Variants in SRPRB observed in about 807,000 individuals in gnomAD.
SRPRB encodes the protein signal recognition particle receptor subunit beta.
Under a neutral mutation model 31.9 loss-of-function variants are expected in SRPRB, and 20 were observed. That is an observed-to-expected ratio of 0.63 (90% CI 0.44 to 0.91). SRPRB has a LOEUF of 0.91. Among genes scored for constraint, SRPRB ranks in the 40% least tolerant of loss-of-function variants. The pLI is 0.00. For synonymous variants in SRPRB, 146 were observed against 132.8 expected (o/e 1.10, Z -0.68); for missense variants, 321 against 324.9 (o/e 0.99, Z 0.09).
At chr3:133,818,143 T>C (rs1935398606) in intron 6 of SRPRB, among the ~76,000 whole-genome samples, 1 of 152,182 alleles carries the variant, frequency 6.6e-6, no homozygotes, top group African/African-American at 2.4e-5. Flanking sequence ...AATAAGGACA[T>C]TGGAACAATT....
intron 1 of SRPRB, chr3:133,784,755 C>T (rs961563687): frequency 6.6e-6 from 1 of 152,208 alleles, no homozygotes; most frequent in African/African-American, 2.4e-5. Flanking sequence ...AAACCATTCC[C>T]TGGTGCCAAA....
intron 6 of SRPRB, among the ~76,000 whole-genome samples, chr3:133,818,956 A>G (rs1164763088): frequency 1.3e-5 from 2 of 152,162 alleles, no homozygotes; most frequent in African/African-American, 2.4e-5. Context: ...GCTTCTGGAT[A>G]GCAGAAAGGG....
upstream of SRPRB, chr3:133,805,704 C>A: frequency 9.5e-7 from 1 of 1,057,060 alleles, no homozygotes; most frequent in Non-Finnish European, 1.3e-6. Flanking sequence ...AACTACAACT[C>A]CCATCAAGCA....
intron 3 of SRPRB, 162 bp from the exon 4 acceptor site, chr3:133,810,955 C>A (rs889450337): frequency 6.7e-6 from 4 of 599,302 alleles, no homozygotes; most frequent in African/African-American, 5.7e-5. Flanking sequence ...GCCACTGTTA[C>A]ATCCCCAGAA....
rs779206658 is a variant in SRPRB, at chr3:133,821,025, G to C, written c.*1259G>C. 3 of 152,576 alleles carry C rather than the reference G, an allele frequency of 2.0e-5. No individual in the cohort carries two copies. The highest frequency in any genetic ancestry group is 6.5e-5 in the Admixed American group (1 of 15,286). The allele number at this position is 152,576 out of a possible 1,614,324, so 9.5% of individuals were successfully genotyped here. On this transcript the variant is annotated 3_prime_UTR_variant, in exon 7 of 7. Coordinates refer to ENST00000678299, the MANE Select transcript of SRPRB (RefSeq NM_001379313.1). Reference sequence around the variant, plus strand: ...GGCCCACAGTTCTCTGGAGCATGCAGCAGGGGCACCCCACCTGGCCTTGAG... The same window carrying C: ...GGCCCACAGTTCTCTGGAGCATGCACCAGGGGCACCCCACCTGGCCTTGAG...
chr3:133,811,300 A>G, intron 4 of SRPRB, 101 bp downstream of exon 4: 1 of 1,248,980 alleles, frequency 8.0e-7, no homozygotes, highest in Non-Finnish European at 1.1e-6. Context: ...GCAGCATGGT[A>G]TCCTGTGGTA....
intron 1 of SRPRB, chr3:133,795,094 T>C (rs1327522452): frequency 2.0e-5 from 3 of 152,058 alleles, no homozygotes; most frequent in South Asian, 2.1e-4. Context: ...AACAGAAGAG[T>C]ATCTGTGCAG....
At chr3:133,827,968 T>C (rs1481246946), downstream of SRPRB, 6 of 702,808 alleles carry the variant, frequency 8.5e-6, no homozygotes, top group Non-Finnish European at 1.6e-5. Context: ...ACCACGCAGC[T>C]GCAATTGCCA....
chr3:133,806,135 C>A, intron 1 of SRPRB, 133 bp downstream of exon 1: 1 of 1,174,800 alleles, frequency 8.5e-7, no homozygotes, highest in Non-Finnish European at 1.2e-6. Flanking sequence ...CCCACCCAGT[C>A]TACACCCCAC....
intron 3 of SRPRB, chr3:133,810,678 G>A (rs1215611943): frequency 2.6e-5 from 4 of 152,586 alleles, no homozygotes; most frequent in Admixed American, 6.5e-5. Context: ...ATGAAAAATT[G>A]TAAGTTCTTA....
chr3:133,812,181 A>C (rs1049514645), intron 4 of SRPRB, among the ~76,000 whole-genome samples: 4 of 152,226 alleles, frequency 2.6e-5, no homozygotes, highest in African/African-American at 7.2e-5. Flanking sequence ...AGCGGTCCCT[A>C]AAATAATGTC....
At chr3:133,795,346 C>T (rs7355929) in intron 1 of SRPRB, 51,311 of 151,928 alleles carry the variant, frequency 0.34, 8,813 homozygotes, top group Middle Eastern at 0.38. Flanking sequence ...ATTCTCTCAA[C>T]GGTTTTAAAT....
At position 133,816,858 on chromosome 3, in the gene SRPRB, G is replaced by C. The variant is rs776255186; in HGVS notation, c.548-20G>C. 4 of 1,598,100 alleles carry C rather than the reference G, an allele frequency of 2.5e-6. No individual in the cohort carries two copies. The South Asian group carries it at 4.6e-5, about 18-fold the overall frequency. ...ACTCATTCTCGTTTAAACTACAACAGTGTCTTTATTTCTTTACAGATATTG... is the reference window on the plus strand; with the variant it reads ...ACTCATTCTCGTTTAAACTACAACACTGTCTTTATTTCTTTACAGATATTG... On this transcript the variant is annotated intron_variant, in intron 5 of 6. Transcript: ENST00000678299.
At chr3:133,819,507 C>T (rs758984280) in intron 6 of SRPRB, 46 bp from the exon 7 acceptor site, 1 of 1,550,442 alleles carries the variant, frequency 6.4e-7, no homozygotes, top group South Asian at 1.1e-5. Context: ...GATTTAATTG[C>T]TGTATAAAAA....
At chr3:133,818,093 G>A (rs1033140859) in intron 6 of SRPRB, among the ~76,000 whole-genome samples, 1 of 152,150 alleles carries the variant, frequency 6.6e-6, no homozygotes, top group Admixed American at 6.5e-5. Flanking sequence ...TGCTCTTGAT[G>A]CTCACTCTCT....
chr3:133,788,641 C>T (rs1214560251), intron 1 of SRPRB: 1 of 151,108 alleles, frequency 6.6e-6, no homozygotes, highest in African/African-American at 2.4e-5. Flanking sequence ...GAATCTCTCC[C>T]TCTGTCTCTT....
chr3:133,822,161 G>GA (rs1935484020), downstream of SRPRB, among the ~76,000 whole-genome samples: 1 of 152,160 alleles, frequency 6.6e-6, no homozygotes, highest in African/African-American at 2.4e-5. Flanking sequence ...TCAGGTCTTG[G>GA]AGACGGGCCA....
intron 6 of SRPRB, among the ~76,000 whole-genome samples, chr3:133,818,228 G>A (rs896966426): frequency 5.3e-5 from 8 of 152,174 alleles, no homozygotes; most frequent in African/African-American, 1.9e-4. Context: ...CTGTCATAAT[G>A]TTATTTGTGA....
chr3:133,807,793 C>A lies in SRPRB; in HGVS notation c.297C>A (p.Ser99Arg), dbSNP rs1353398338. Residue 99 changes from serine to arginine, a missense_variant, in exon 3 of 7, where the codon AGC (serine) becomes AGA (arginine). Ser to Arg is a moderately radical substitution (Grantham distance 110). Coordinates refer to ENST00000678299, the MANE Select transcript of SRPRB (RefSeq NM_001379313.1). ...ACACTCAGACGTCCATTACTGACAGCTGTGCTGTATACAGAGTCAACAATA... is the reference window on the plus strand; with the variant it reads ...ACACTCAGACGTCCATTACTGACAGATGTGCTGTATACAGAGTCAACAATA... ...YRDTQTSITD[S>R]CAVYRVNNNR... 22 of 1,612,634 alleles carry A rather than the reference C, an allele frequency of 1.4e-5. No individual in the cohort carries two copies. Among genetic ancestry groups the A allele is most frequent in the Non-Finnish European group, 1.9e-5 (22 of 1,179,720 alleles).
Sources: allele counts gnomAD v4.1 joint callset (sites outside exome capture counted in the v4.1 genomes callset), GRCh38; gene constraint gnomAD v4.1.1; transcripts MANE v1.5; gene names NCBI Gene and HGNC (gene_info 2026-07-23, HGNC 2026-07-21).